C9: variants seen among roughly 807,000 people sequenced by gnomAD.
C9 encodes complement component C9.
Under a neutral mutation model 65.4 loss-of-function variants are expected in C9, and 63 were observed. The observed-to-expected ratio is 0.96, with a 90% CI of 0.79 to 1.19. C9 has a LOEUF of 1.19. Among genes scored for constraint, C9 ranks in the 50% most tolerant of loss-of-function variants. The pLI, the probability that C9 is intolerant of heterozygous loss-of-function variation, is 0.00. For synonymous variants in C9, 229 were observed against 227.9 expected (o/e 1.00, Z -0.04); for missense variants, 744 against 670.1 (o/e 1.11, Z -1.22).
intron 5 of C9, among the ~76,000 whole-genome samples, chr5:39,330,178 T>C (rs1448419391): frequency 6.6e-6 from 1 of 152,224 alleles, no homozygotes; most frequent in Non-Finnish European, 1.5e-5. Context: ...TTTCCCACCA[T>C]ATATGAACAT....
At chr5:39,356,480 C>T (rs555128081) in intron 1 of C9, among the ~76,000 whole-genome samples, 19 of 152,342 alleles carry the variant, frequency 1.2e-4, no homozygotes, top group African/African-American at 4.3e-4. Context: ...TATAGCAGCC[C>T]CAGGCAAAGC....
chr5:39,334,697 G>A (rs1210697004), intron 4 of C9, among the ~76,000 whole-genome samples: 1 of 150,020 alleles, frequency 6.7e-6, no homozygotes, highest in Admixed American at 6.6e-5. Context: ...GGGAGGTGGG[G>A]CGGTCAGCCC....
chr5:39,304,076 T>C (rs1307737228), intron 9 of C9, among the ~76,000 whole-genome samples: 1 of 152,132 alleles, frequency 6.6e-6, no homozygotes, highest in Non-Finnish European at 1.5e-5. Context: ...AGAAGTTTGG[T>C]GATGTTTTTG....
intron 9 of C9, among the ~76,000 whole-genome samples, chr5:39,295,885 T>C (rs1355087250): frequency 6.6e-6 from 1 of 151,710 alleles, no homozygotes; most frequent in Non-Finnish European, 1.5e-5. Flanking sequence ...TATATCTATC[T>C]ACAGTCAACT....
chr5:39,358,815 C>T (rs570766332), intron 1 of C9, among the ~76,000 whole-genome samples: 2 of 151,436 alleles, frequency 1.3e-5, no homozygotes, highest in East Asian at 3.9e-4. Context: ...GAAACCCTGT[C>T]TCTACTAAAA....
intron 10 of C9, among the ~76,000 whole-genome samples, chr5:39,287,730 A>G (rs931503918): frequency 3.3e-5 from 5 of 152,016 alleles, no homozygotes; most frequent in African/African-American, 4.8e-5. Context: ...GAAATAGAAA[A>G]TCAAATACCA....
chr5:39,286,739 G>T (rs1345909540), intron 10 of C9, among the ~76,000 whole-genome samples: 1 of 151,754 alleles, frequency 6.6e-6, no homozygotes, highest in Non-Finnish European at 1.5e-5. Flanking sequence ...GGAACGCAAA[G>T]CACTAGATTG....
chr5:39,347,178 A>G (rs992998907), intron 1 of C9, among the ~76,000 whole-genome samples: 3 of 152,212 alleles, frequency 2.0e-5, no homozygotes, highest in South Asian at 2.1e-4. Flanking sequence ...CCAGGGCAAT[A>G]AGGCAGGAGA....
Position 39,341,005 on chromosome 5 carries a change from G to T in C9, c.476+141C>A, listed in dbSNP as rs1227780499. ...ATTTAGCACTTCCTTTAAGCTTAAA[G>T]GTAGTTCAAAAATAATACAGACCCA... On this transcript the variant is annotated intron_variant, in intron 4 of 10. Transcript: ENST00000263408. The T allele has an allele frequency of 5.3e-6, 5 of 951,968 alleles. No individual in the cohort carries two copies. The Admixed American group carries it at 7.7e-5, about 15-fold the overall frequency. The allele number at this position is 951,968 out of a possible 1,614,324, so 59.0% of individuals were successfully genotyped here.
chr5:39,288,859 A>G lies in C9; in HGVS notation c.1509T>C (p.Asn503=). The G allele has an allele frequency of 6.2e-7, 1 of 1,611,202 alleles. No homozygotes were observed. The change falls in exon 10 of 11, where the codon AAT becomes AAC. Residue 503 remains asparagine, a synonymous_variant. Transcript: ENST00000263408. ...NLERAIEDYI[N]EFSVRKCHTC... ...TGTGGCATTTTCTTACACTAAATTC[A>G]TTGATATAGTCTTCAATGGCTCTTT...
intron 9 of C9, among the ~76,000 whole-genome samples, chr5:39,303,809 T>C (rs1374455600): frequency 2.0e-5 from 3 of 152,004 alleles, no homozygotes; most frequent in East Asian, 3.9e-4. Flanking sequence ...CCAAAGATAG[T>C]CATGCTAGAC....
rs778829132 is a variant in C9 at position 39,342,180 on chromosome 5, T to C, written c.94A>G (p.Thr32Ala). 7.5e-6 allele frequency: 12 copies of C among 1,596,684 alleles called. No homozygotes were observed. The highest frequency in any genetic ancestry group is 9.4e-6 in the Non-Finnish European group (11 of 1,164,176). The change falls in exon 2 of 11, where the codon ACA (threonine) becomes GCA (alanine). Residue 32 changes from threonine (T) to alanine (A), a missense_variant. Thr to Ala is a moderately conservative substitution (Grantham distance 58, BLOSUM62 0). Coordinates refer to ENST00000263408, the MANE Select transcript of C9 (RefSeq NM_001737.5). ...TGTGATGCAGAGCCACTGCTTTCTG[T>C]TAGCTCTGGGTCATAACTAAGATAA... is the stretch of plus-strand genomic sequence containing the variant. The part of the protein sequence containing the change: ...QYTTSYDPEL[T>A]ESSGSASHID...
intron 1 of C9, among the ~76,000 whole-genome samples, chr5:39,357,551 G>A (rs187226696): frequency 1.5e-5 from 2 of 131,710 alleles, no homozygotes; most frequent in East Asian, 3.9e-4. Flanking sequence ...CACTCTAGTG[G>A]GTGAGATATA....
chr5:39,345,141 A>G (rs577777309), intron 1 of C9, among the ~76,000 whole-genome samples: 3 of 152,322 alleles, frequency 2.0e-5, no homozygotes, highest in Non-Finnish European at 2.9e-5. Context: ...AGCTATCATC[A>G]TAATGACAGG....
chr5:39,301,967 A>AT (rs1012261132), intron 9 of C9, among the ~76,000 whole-genome samples: 8 of 151,624 alleles, frequency 5.3e-5, no homozygotes, highest in South Asian at 2.1e-4. Context: ...AATTATTTTG[A>AT]TTTTTTTTTA....
chr5:39,287,610 T>C (rs1367510952), intron 10 of C9, among the ~76,000 whole-genome samples: 2 of 152,088 alleles, frequency 1.3e-5, no homozygotes, highest in Admixed American at 1.3e-4. Flanking sequence ...AAAGAAAATG[T>C]GGTACATATG....
At chr5:39,335,956 A>G (rs700211) in intron 4 of C9, among the ~76,000 whole-genome samples, 3,695 of 152,300 alleles carry the variant, frequency 0.024, 145 homozygotes, top group African/African-American at 0.084. Context: ...TCCGCTATAA[A>G]GGAATTTTGA....
intron 4 of C9, 183 bp downstream of exon 4, chr5:39,340,963 A>C: frequency 1.4e-6 from 1 of 701,254 alleles, no homozygotes; most frequent in Non-Finnish European, 2.5e-6. Flanking sequence ...ATTTGTCCAA[A>C]TTATCCTGAG....
rs762178311 is a variant in C9, at chr5:39,341,704, C to G, written c.184-4G>C. On this transcript the variant is annotated splice_polypyrimidine_tract_variant and splice_region_variant and intron_variant, in intron 2 of 10. Transcript: ENST00000263408. ...CCTCAATGCTTCTTGAACGAAACTG[C>G]ACAATATCAGTTGGAATGATTAGAA... 6.2e-7 allele frequency: 1 copy of G among 1,613,766 alleles called. No homozygotes were observed. The highest frequency in any genetic ancestry group is 1.6e-4 in the Middle Eastern group (1 of 6,062).
Sources: gnomAD v4.1 joint callset for allele counts (sites outside exome capture counted in the v4.1 genomes callset) on GRCh38, gnomAD v4.1.1 for gene constraint, MANE v1.5 for transcripts, NCBI Gene and HGNC (gene_info 2026-07-23, HGNC 2026-07-21) for gene names.